The following CSMD1 variants were observed in gnomAD, a reference collection of about 807,000 sequenced individuals.
CSMD1 encodes CUB and Sushi multiple domains 1.
Under a neutral mutation model 417.5 loss-of-function variants are expected in CSMD1, and 213 were observed. That is an observed-to-expected ratio of 0.51 (90% CI 0.46 to 0.57). The LOEUF is 0.57. CSMD1 is among the 20% of genes least tolerant of loss of function. The probability of loss-of-function intolerance (pLI) is 0.00; values close to 1 mark genes in which losing one functional copy is unlikely to be tolerated. For missense variants in CSMD1, 6,923 were observed against 4,529.7 expected (o/e 1.53, Z -15.17); for synonymous variants, 2,862 against 1,736.8 (o/e 1.65, Z -16.11).
chr8:3,273,990 T>C (rs1269627057), intron 26 of CSMD1, among the ~76,000 whole-genome samples: 5 of 151,732 alleles, frequency 3.3e-5, no homozygotes, highest in Non-Finnish European at 7.4e-5. Flanking sequence ...TGTTTGCTCT[T>C]GCTTTTCTAG....
intron 1 of CSMD1, among the ~76,000 whole-genome samples, chr8:4,858,904 G>A (rs1028495664): frequency 9.3e-5 from 14 of 150,514 alleles, no homozygotes; most frequent in Non-Finnish European, 1.8e-4. Context: ...TCACAGAATT[G>A]GAAAAAACTA....
chr8:4,217,951 C>G (rs1408020459), intron 3 of CSMD1, among the ~76,000 whole-genome samples: 2 of 152,094 alleles, frequency 1.3e-5, no homozygotes, highest in Non-Finnish European at 2.9e-5. Flanking sequence ...TGCAGAGGCT[C>G]CAGGTAATGC....
chr8:3,204,747 G>A lies in CSMD1; in HGVS notation c.4984+757C>T, dbSNP rs537893000. ...TATATGCAGAGTGAGTGCTGTCTCA[G>A]ACATAAATAAAAACCTTGACTATGT... On this transcript the variant is annotated intron_variant, in intron 31 of 69. Transcript: ENST00000635120. 1.2e-4 allele frequency among the ~76,000 whole-genome samples: 19 copies of A among 152,288 alleles called. 1 individual carries two copies. The highest frequency in any genetic ancestry group is 2.2e-4 in the Non-Finnish European group (15 of 68,024).
At chr8:3,809,976 G>A (rs1297346377) in intron 5 of CSMD1, among the ~76,000 whole-genome samples, 1 of 152,116 alleles carries the variant, frequency 6.6e-6, no homozygotes, top group Non-Finnish European at 1.5e-5. Flanking sequence ...CTTCTTTGCT[G>A]CAGGCCAAAA....
intron 3 of CSMD1, among the ~76,000 whole-genome samples, chr8:4,288,979 A>T (rs993146300): frequency 4.6e-5 from 7 of 152,206 alleles, no homozygotes; most frequent in African/African-American, 1.7e-4. Context: ...ATACGTGCAT[A>T]AAAATAATTT....
chr8:3,693,024 T>G (rs1409028252), intron 7 of CSMD1, among the ~76,000 whole-genome samples: 1 of 152,198 alleles, frequency 6.6e-6, no homozygotes, highest in African/African-American at 2.4e-5. Flanking sequence ...TGGTAAACTC[T>G]TAAGAAGGTT....
chr8:3,102,037 G>C (rs535104382), intron 46 of CSMD1, among the ~76,000 whole-genome samples: 6 of 152,036 alleles, frequency 3.9e-5, no homozygotes, highest in African/African-American at 1.2e-4. Flanking sequence ...CCTGACCTCA[G>C]GTGATCCTCC....
intron 27 of CSMD1, among the ~76,000 whole-genome samples, chr8:3,228,452 A>G (rs1263894861): frequency 6.6e-6 from 1 of 152,218 alleles, no homozygotes; most frequent in African/African-American, 2.4e-5. Flanking sequence ...CTACGCATGT[A>G]GGCGGGTCTG....
intron 1 of CSMD1, among the ~76,000 whole-genome samples, chr8:4,808,745 A>T (rs1000653470): frequency 2.1e-4 from 32 of 152,368 alleles, no homozygotes; most frequent in African/African-American, 7.5e-4. Context: ...ATGGGAGAAC[A>T]TTAAAACATA....
At chr8:3,041,013 C>A (rs1196198161) in intron 50 of CSMD1, among the ~76,000 whole-genome samples, 1 of 152,040 alleles carries the variant, frequency 6.6e-6, no homozygotes, top group African/African-American at 2.4e-5. Flanking sequence ...TATTGCAAAG[C>A]ATTTTTCTTC....
intron 6 of CSMD1, among the ~76,000 whole-genome samples, chr8:3,710,813 G>A (rs141363447): frequency 1.1e-4 from 16 of 152,216 alleles, no homozygotes; most frequent in African/African-American, 3.9e-4. Context: ...AGATGCACAG[G>A]GAAGACTATG....
intron 5 of CSMD1, among the ~76,000 whole-genome samples, chr8:3,911,982 AC>A (rs752807873): frequency 4.6e-4 from 70 of 152,306 alleles, no homozygotes; most frequent in South Asian, 1.2e-3. Flanking sequence ...AGTTTCCTGA[AC>A]CGATAAAAAT....
chr8:4,258,106 G>A (rs536911618), intron 3 of CSMD1, among the ~76,000 whole-genome samples: 2 of 150,880 alleles, frequency 1.3e-5, no homozygotes, highest in African/African-American at 4.9e-5. Context: ...ACCATTCCCG[G>A]CTATTTTTTT....
Position 3,034,801 on chromosome 8 carries a change from G to A in CSMD1, c.7661-5288C>T, listed in dbSNP as rs1027868398. Among the ~76,000 whole-genome samples, 5 of 152,162 alleles carry A rather than the reference G, an allele frequency of 3.3e-5. No homozygotes were observed. In the South Asian group the frequency reaches 6.2e-4, roughly 19 times the overall value. ...TCATTTCATGACATTAAACATTATAGACTAGGGAATAAGATAAAACTGAGA... is the reference window on the plus strand; with the variant it reads ...TCATTTCATGACATTAAACATTATAAACTAGGGAATAAGATAAAACTGAGA... On this transcript the variant is annotated intron_variant, in intron 50 of 69. Coordinates refer to ENST00000635120, the MANE Select transcript of CSMD1 (RefSeq NM_033225.6).
At chr8:2,970,867 G>T (rs1016271813) in intron 57 of CSMD1, among the ~76,000 whole-genome samples, 2 of 152,124 alleles carry the variant, frequency 1.3e-5, no homozygotes, top group Non-Finnish European at 2.9e-5. Flanking sequence ...AACATTTTTT[G>T]TAACTCCACA....
At chr8:3,065,985 G>A (rs926240491) in intron 49 of CSMD1, among the ~76,000 whole-genome samples, 10 of 152,064 alleles carry the variant, frequency 6.6e-5, no homozygotes, top group African/African-American at 1.9e-4. Context: ...AAGCACAATG[G>A]CAAATGACTG....
chr8:4,901,603 T>C (rs1009949157), intron 1 of CSMD1, among the ~76,000 whole-genome samples: 10 of 152,212 alleles, frequency 6.6e-5, no homozygotes, highest in African/African-American at 2.2e-4. Context: ...ACACTTCTAT[T>C]AGCCTTTGTC....
intron 4 of CSMD1, among the ~76,000 whole-genome samples, chr8:4,000,587 A>T (rs369099236): frequency 6.6e-6 from 1 of 152,182 alleles, no homozygotes; most frequent in South Asian, 2.1e-4. Context: ...TTTTTCTTTA[A>T]ACGCAAATAT....
At chr8:4,117,638 G>A (rs1466976797) in intron 3 of CSMD1, among the ~76,000 whole-genome samples, 1 of 152,200 alleles carries the variant, frequency 6.6e-6, no homozygotes, top group Admixed American at 6.5e-5. Context: ...TTAAAACGCT[G>A]AAGCGCCCGC....
Sources: allele counts gnomAD v4.1 joint callset (sites outside exome capture counted in the v4.1 genomes callset), GRCh38; gene constraint gnomAD v4.1.1; transcripts MANE v1.5; gene names NCBI Gene and HGNC (gene_info 2026-07-23, HGNC 2026-07-21).